Variants in DMBT1 observed in about 807,000 individuals in gnomAD.
DMBT1 encodes deleted in malignant brain tumors 1, also known as scavenger receptor cysteine-rich domain-containing protein DMBT1.
Under a neutral mutation model 252.9 loss-of-function variants are expected in DMBT1, and 198 were observed. That is an observed-to-expected ratio of 0.78 (90% confidence interval 0.70 to 0.88). The LOEUF (loss-of-function observed/expected upper bound fraction) is 0.88. Among genes scored for constraint, DMBT1 ranks in the 40% least tolerant of loss-of-function variants. DMBT1 has a pLI of 0.00. For missense variants in DMBT1, 2,432 were observed against 2,404.7 expected (o/e 1.01, Z -0.24); for synonymous variants, 990 against 942.7 (o/e 1.05, Z -0.92).
At chr10:122,592,231 C>T in intron 19 of DMBT1, 41 bp from the exon 20 acceptor site, 1 of 1,579,976 alleles carries the variant, frequency 6.3e-7, no homozygotes, top group Non-Finnish European at 8.6e-7. Flanking sequence ...ATCCTTACCT[C>T]ATGGTAGGGA....
chr10:122,599,507 C>A lies in DMBT1; in HGVS notation c.3280+410C>A, dbSNP rs141274023. Among the ~76,000 whole-genome samples, 884 of 152,308 alleles carry A rather than the reference C, an allele frequency of 5.8e-3. 45 individuals are homozygous for A. In the East Asian group the frequency reaches 0.13, roughly 23 times the overall value. On this transcript the variant is annotated intron_variant, in intron 26 of 55. Coordinates refer to ENST00000338354, the MANE Select transcript of DMBT1 (RefSeq NM_001377530.1). The stretch of plus-strand genomic sequence containing the variant: ...TGCTTGTCTGAAAGTGGGTTCTCAG[C>A]TGAGACCCAGTGAGGAGGTCTGGAA...
rs868313196 is a variant in DMBT1 at position 122,621,238 on chromosome 10, C to T, written c.5466C>T (p.Ala1822=). The change falls in exon 44 of 56, where the codon GCC becomes GCT. Residue 1822 remains alanine, a synonymous_variant. Coordinates refer to ENST00000338354, the MANE Select transcript of DMBT1 (RefSeq NM_001377530.1). Reference sequence around the variant, plus strand: ...GGGCCATGTCGGCCCCAGGAAATGCCCGGTTTGGCCAGGGCTCAGGACCCA... The same window carrying T: ...GGGCCATGTCGGCCCCAGGAAATGCTCGGTTTGGCCAGGGCTCAGGACCCA... The part of the protein sequence containing the change: ...CGWAMSAPGN[A]RFGQGSGPIV... 1 of 1,613,842 alleles carries T rather than the reference C, an allele frequency of 6.2e-7. No homozygotes were observed. Among genetic ancestry groups the T allele is most frequent in the Non-Finnish European group, 8.5e-7 (1 of 1,179,780 alleles).
In DMBT1 at chr10:122,618,358, T is replaced by C; in HGVS notation, c.5215+18T>C. The C allele has an allele frequency of 1.9e-6, 3 of 1,613,880 alleles. No individual in the cohort carries two copies. Among genetic ancestry groups the C allele is most frequent in the Non-Finnish European group, 2.5e-6 (3 of 1,179,770 alleles). ...CTGCTCAGGTGGGCTTTCAAGACCT[T>C]GGGCTCCCTCTCTTAAGTTGAAGTT... is the stretch of plus-strand genomic sequence containing the variant. On this transcript the variant is annotated intron_variant, in intron 41 of 55. Transcript: ENST00000338354.
At chr10:122,566,230 T>A (rs1323756238) in intron 2 of DMBT1, among the ~76,000 whole-genome samples, 2 of 152,368 alleles carry the variant, frequency 1.3e-5, no homozygotes, top group Non-Finnish European at 2.9e-5. Context: ...TGACTCTCAG[T>A]CATTTATCAG....
In DMBT1 at chr10:122,598,886, C is replaced by A; in HGVS notation, c.3069C>A (p.Asp1023Glu). The change falls in exon 26 of 56, where the codon GAC (aspartate) becomes GAA (glutamate). Residue 1023 changes from aspartate to glutamate, a missense_variant. Transcript: ENST00000338354. The stretch of plus-strand genomic sequence containing the variant: ...GCACCGTGTGCGATGACAGCTGGGA[C>A]ACCAATGATGCCAATGTCGTCTGCA... ...SWGTVCDDSW[D>E]TNDANVVCRQ... 1 of 1,613,856 alleles carries A rather than the reference C, an allele frequency of 6.2e-7. No homozygotes were observed. The highest frequency in any genetic ancestry group is 8.5e-7 in the Non-Finnish European group (1 of 1,179,794).
Position 122,633,245 on chromosome 10 carries a change from C to T in DMBT1, c.6452C>T (p.Pro2151Leu). Residue 2151 changes from proline (P) to leucine (L), a missense_variant, in exon 52 of 56, where the codon CCA (proline) becomes CTA (leucine). Coordinates refer to ENST00000338354, the MANE Select transcript of DMBT1 (RefSeq NM_001377530.1). ...CAACCATCAGGGGACTTTTCCAGCC[C>T]ATTCTATCCCGGGAACTATCCAAAC... ...LSQPSGDFSS[P>L]FYPGNYPNNA... 2 of 1,614,028 alleles carry T rather than the reference C, an allele frequency of 1.2e-6. No homozygotes were observed. Among genetic ancestry groups the T allele is most frequent in the Non-Finnish European group, 1.7e-6 (2 of 1,179,900 alleles).
rs201076652 is a variant in DMBT1 at position 122,618,132 on chromosome 10, C to G, written c.5007C>G (p.Thr1669=). The G allele has an allele frequency of 6.2e-7, 1 of 1,613,960 alleles. No homozygotes were observed. Among genetic ancestry groups the G allele is most frequent in the Non-Finnish European group, 8.5e-7 (1 of 1,179,888 alleles). The change falls in exon 41 of 56, where the codon ACC becomes ACG. Residue 1669 remains threonine, a synonymous_variant. Coordinates refer to ENST00000338354, the MANE Select transcript of DMBT1 (RefSeq NM_001377530.1). ...CCGTGTGTGATGACTACTGGGACAC[C>G]AATGATGCCAACGTGGTCTGCAGGC... The part of the protein sequence containing the change: ...WGTVCDDYWD[T]NDANVVCRQL...
chr10:122,628,946 AT>A (rs777149342), intron 46 of DMBT1, among the ~76,000 whole-genome samples: 1 of 152,150 alleles, frequency 6.6e-6, no homozygotes, highest in African/African-American at 2.4e-5. Flanking sequence ...CCATGGACTT[AT>A]CCCCTTAGAA....
In DMBT1 at chr10:122,580,883, A is replaced by T. The variant is rs368733824; in HGVS notation, c.1021A>T (p.Thr341Ser). Residue 341 changes from threonine to serine, a missense_variant, in exon 11 of 56, where the codon ACA (threonine) becomes TCA (serine). Around this residue, in one of 3 missense-constraint regions of DMBT1, gnomAD observed 1,264 missense variants for 1,082.2 expected, o/e 1.17. Coordinates refer to ENST00000338354, the MANE Select transcript of DMBT1 (RefSeq NM_001377530.1). ...TCTCACAGCTCCCCAGTCCCGGCCG[A>T]CACCCAGCCCAGGTAGGTCCCCAGT... ...VICSAPQSRP[T>S]PSPDTWPTSH... 1 of 1,613,594 alleles carries T rather than the reference A, an allele frequency of 6.2e-7. No individual in the cohort carries two copies. The highest frequency in any genetic ancestry group is 1.7e-5 in the Admixed American group (1 of 59,954).
intron 16 of DMBT1, among the ~76,000 whole-genome samples, chr10:122,587,846 T>C (rs2097804156): frequency 6.7e-6 from 1 of 148,458 alleles, no homozygotes; most frequent in African/African-American, 2.4e-5. Flanking sequence ...GATGTGTCCA[T>C]TAGTCCATGT....
chr10:122,564,214 A>G, intron 1 of DMBT1, among the ~76,000 whole-genome samples: 1 of 152,176 alleles, frequency 6.6e-6, no homozygotes, highest in East Asian at 1.9e-4. Context: ...ATGTTCTCTG[A>G]CATACGGCAA....
At chr10:122,591,743 T>G (rs1376442958) in intron 19 of DMBT1, among the ~76,000 whole-genome samples, 2 of 148,726 alleles carry the variant, frequency 1.3e-5, no homozygotes, top group Non-Finnish European at 3.0e-5. Context: ...CAAGTATCAG[T>G]AAAGATCCTC....
chr10:122,598,177 G>A (rs1247148718), intron 25 of DMBT1, among the ~76,000 whole-genome samples, 165 bp downstream of exon 25: 1 of 152,126 alleles, frequency 6.6e-6, no homozygotes. Flanking sequence ...CTCTGGGTCT[G>A]ATGTTGGAGG....
intron 52 of DMBT1, among the ~76,000 whole-genome samples, chr10:122,634,421 C>T (rs372412900): frequency 0.094 from 6,843 of 72,438 alleles, 249 homozygotes; most frequent in Middle Eastern, 0.14. Flanking sequence ...TTCTCTCTCT[C>T]TCTCTCTCTT....
chr10:122,576,752 T>A, intron 7 of DMBT1, 30 bp downstream of exon 7: 2 of 1,613,142 alleles, frequency 1.2e-6, no homozygotes, highest in Non-Finnish European at 1.7e-6. Flanking sequence ...GAGGGTTGGG[T>A]GTGGTGGCTC....
chr10:122,634,469 T>C (rs1295717222), intron 52 of DMBT1, among the ~76,000 whole-genome samples: 2 of 141,528 alleles, frequency 1.4e-5, no homozygotes, highest in African/African-American at 5.5e-5. Context: ...TCTCTCTCTC[T>C]CTCTCTCTCT....
intron 48 of DMBT1, 81 bp downstream of exon 48, chr10:122,630,571 GA>G: frequency 7.0e-7 from 1 of 1,430,588 alleles, no homozygotes; most frequent in Non-Finnish European, 9.7e-7. Flanking sequence ...GTTCCCCAAG[GA>G]AATCAAAGAA....
At chr10:122,632,727 C>T in intron 50 of DMBT1, 134 bp from the exon 51 acceptor site, 1 of 1,200,600 alleles carries the variant, frequency 8.3e-7, no homozygotes, top group Non-Finnish European at 1.2e-6. Flanking sequence ...AGTGAGCTCC[C>T]CAAGGGCAAG....
intron 40 of DMBT1, among the ~76,000 whole-genome samples, chr10:122,617,740 TGTGTGCCCAGA>T (rs2133625892): frequency 6.6e-6 from 1 of 151,706 alleles, no homozygotes; most frequent in African/African-American, 2.4e-5. Context: ...CTCCATCCTG[TGTGTGCCCAGA>T]GTAGGGAGTG....
Sources: allele counts gnomAD v4.1 joint callset (sites outside exome capture counted in the v4.1 genomes callset), GRCh38; gene constraint gnomAD v4.1.1; regional missense constraint gnomAD v4.1.1; transcripts MANE v1.5; gene names NCBI Gene and HGNC (gene_info 2026-07-23, HGNC 2026-07-21).